RANBP17: variants seen among roughly 807,000 people sequenced by gnomAD.
RANBP17 encodes RAN binding protein 17.
Under a neutral mutation model 141.2 loss-of-function variants are expected in RANBP17, and 158 were observed. That is an observed-to-expected ratio of 1.12 (90% confidence interval 0.98 to 1.28). The LOEUF is 1.28. Among genes scored for constraint, RANBP17 ranks in the 50% most tolerant of loss-of-function variants. The probability of loss-of-function intolerance (pLI) is 0.00; values close to 1 mark genes in which losing one functional copy is unlikely to be tolerated. For synonymous variants in RANBP17, 430 were observed against 450.0 expected, an observed-to-expected ratio of 0.96 and a Z score of 0.56; for missense variants, 1,438 against 1,290.7, an observed-to-expected ratio of 1.11 and a Z score of -1.75.
At chr5:171,090,933 CA>C (rs1452727588) in intron 14 of RANBP17, among the ~76,000 whole-genome samples, 10 of 152,174 alleles carry the variant, frequency 6.6e-5, no homozygotes, top group Non-Finnish European at 1.0e-4. Flanking sequence ...AATTTTGCTG[CA>C]GGGGCGAGGC....
chr5:171,137,596 G>GTGTT (rs1561692436), intron 14 of RANBP17, among the ~76,000 whole-genome samples: 3 of 143,586 alleles, frequency 2.1e-5, no homozygotes, highest in Non-Finnish European at 4.5e-5. Context: ...GTGTGTGTGT[G>GTGTT]TGTGTGTGTC....
chr5:171,097,087 G>A (rs181958342), intron 14 of RANBP17, among the ~76,000 whole-genome samples: 178 of 152,088 alleles, frequency 1.2e-3, no homozygotes, highest in Non-Finnish European at 1.1e-3. Context: ...ATTTTCCCTC[G>A]ATTTTCTAAA....
chr5:171,186,606 G>A (rs1218754902), intron 18 of RANBP17, among the ~76,000 whole-genome samples: 2 of 121,790 alleles, frequency 1.6e-5, no homozygotes, highest in Admixed American at 2.0e-4. Context: ...GTGCGATCTC[G>A]GCTCACTGCA....
Position 171,295,945 on chromosome 5 carries a change from T to A in RANBP17, c.3101T>A (p.Val1034Asp). 2 of 1,613,654 alleles carry A rather than the reference T, an allele frequency of 1.2e-6. No homozygotes were observed. Among genetic ancestry groups the A allele is most frequent in the Non-Finnish European group, 1.7e-6 (2 of 1,179,814 alleles). Residue 1034 changes from valine to aspartate, a missense_variant, in exon 27 of 28, where the codon GTC becomes GAC. Val to Asp is a radical substitution (Grantham distance 152). Transcript: ENST00000523189. ...AGCCAGCCCCTCCCCAAGCAGGAGG[T>A]CCTTGCCCAGTGCTTCAGAAACCTA... ...INSQPLPKQE[V>D]LAQCFRNLME...
intron 7 of RANBP17, among the ~76,000 whole-genome samples, chr5:170,912,408 A>G (rs1561882641): frequency 1.3e-5 from 2 of 151,982 alleles, no homozygotes; most frequent in Non-Finnish European, 2.9e-5. Flanking sequence ...TATTTTTTGC[A>G]ACTGCATGTG....
At chr5:171,171,847 T>C (rs1315338561) in intron 16 of RANBP17, among the ~76,000 whole-genome samples, 1 of 151,968 alleles carries the variant, frequency 6.6e-6, no homozygotes, top group African/African-American at 2.4e-5. Context: ...TAATCTAATC[T>C]AAAATAAGAT....
intron 14 of RANBP17, among the ~76,000 whole-genome samples, chr5:170,996,144 A>C (rs1159920030): frequency 1.3e-5 from 2 of 152,176 alleles, no homozygotes; most frequent in African/African-American, 2.4e-5. Context: ...GAAAAATGAT[A>C]ATCTTTCTAC....
At chr5:171,141,618 T>C (rs1176875964) in intron 14 of RANBP17, among the ~76,000 whole-genome samples, 1 of 33,998 alleles carries the variant, frequency 2.9e-5, no homozygotes, top group African/African-American at 1.1e-4. Flanking sequence ...CGAGACTCCA[T>C]CTCAAAAAAA....
intron 14 of RANBP17, among the ~76,000 whole-genome samples, chr5:171,032,879 T>C (rs1054603612): frequency 2.0e-5 from 3 of 152,154 alleles, no homozygotes; most frequent in Admixed American, 2.0e-4. Context: ...TATTGTACCA[T>C]AATGGGTTGA....
At chr5:170,917,148 C>G (rs1452604401) in intron 9 of RANBP17, among the ~76,000 whole-genome samples, 1 of 152,102 alleles carries the variant, frequency 6.6e-6, no homozygotes, top group East Asian at 1.9e-4. Flanking sequence ...ATGCTTCTGT[C>G]TTTTACCATT....
At chr5:171,006,451 A>G (rs1779614379) in intron 14 of RANBP17, among the ~76,000 whole-genome samples, 1 of 152,200 alleles carries the variant, frequency 6.6e-6, no homozygotes, top group African/African-American at 2.4e-5. Context: ...TTGTAGGGAT[A>G]TGGATGAAGC....
chr5:171,096,182 C>G (rs1193718881), intron 14 of RANBP17, among the ~76,000 whole-genome samples: 2 of 152,040 alleles, frequency 1.3e-5, no homozygotes, highest in African/African-American at 2.4e-5. Context: ...CCGCACAGTT[C>G]AAACCTGCAT....
intron 14 of RANBP17, among the ~76,000 whole-genome samples, chr5:171,095,530 A>G (rs1036774978): frequency 6.6e-6 from 1 of 152,234 alleles, no homozygotes; most frequent in Non-Finnish European, 1.5e-5. Flanking sequence ...TATTAGATTT[A>G]TAGCCTACCA....
rs200459724 is a variant in RANBP17, at chr5:170,968,225, A to G, written c.1575-17A>G. ...GTTTTGTACTGAAGGTTTTTTTTTT[A>G]TTTTCCCTTCATGAAGAGTTTTTCA... On this transcript the variant is annotated splice_polypyrimidine_tract_variant and intron_variant, in intron 13 of 27. Coordinates refer to ENST00000523189, the MANE Select transcript of RANBP17 (RefSeq NM_022897.5). 29 of 1,508,562 alleles carry G rather than the reference A, an allele frequency of 1.9e-5. No individual in the cohort carries two copies. Among genetic ancestry groups the G allele is most frequent in the Middle Eastern group, 1.8e-4 (1 of 5,602 alleles). 93.4% of individuals were successfully genotyped at this position (1,508,562 alleles called of 1,614,324 possible).
chr5:171,293,775 A>T, intron 25 of RANBP17, 108 bp from the exon 26 acceptor site: 2 of 817,754 alleles, frequency 2.4e-6, no homozygotes, highest in East Asian at 2.5e-5. Flanking sequence ...AAGAGCTTTC[A>T]TAGCTGTTAG....
At chr5:171,134,581 A>G (rs1194625240) in intron 14 of RANBP17, among the ~76,000 whole-genome samples, 2 of 152,200 alleles carry the variant, frequency 1.3e-5, no homozygotes, top group Non-Finnish European at 2.9e-5. Context: ...TTATTTTGTC[A>G]AATAAATATT....
chr5:171,277,986 T>G (rs1767640370), intron 25 of RANBP17, among the ~76,000 whole-genome samples: 2 of 112,586 alleles, frequency 1.8e-5, no homozygotes, highest in Non-Finnish European at 3.3e-5. Context: ...TTAGAACTGA[T>G]TGGACAGGAG....
At chr5:171,233,128 A>G (rs1235614908) in intron 22 of RANBP17, among the ~76,000 whole-genome samples, 1 of 152,228 alleles carries the variant, frequency 6.6e-6, no homozygotes, top group Non-Finnish European at 1.5e-5. Flanking sequence ...GCTTGAGCCC[A>G]GGAGTTTGAG....
In RANBP17 at chr5:170,933,415, C is replaced by T. The variant is rs184243216; in HGVS notation, c.1468+8865C>T. On this transcript the variant is annotated intron_variant, in intron 12 of 27. Coordinates refer to ENST00000523189, the MANE Select transcript of RANBP17 (RefSeq NM_022897.5). ...GGGTTTTTTGTGTCTCTATTTCCTT[C>T]AGTTCTGCTCTGATCTTAGTTATTT... 3.7e-3 allele frequency among the ~76,000 whole-genome samples: 562 copies of T among 152,246 alleles called. 3 individuals are homozygous for T. The highest frequency in any genetic ancestry group is 0.024 in the South Asian group (116 of 4,826).
Sources: gnomAD v4.1 joint callset for allele counts (sites outside exome capture counted in the v4.1 genomes callset) on GRCh38, gnomAD v4.1.1 for gene constraint, MANE v1.5 for transcripts, NCBI Gene and HGNC (gene_info 2026-07-23, HGNC 2026-07-21) for gene names.